The following RYR2 variants were observed in gnomAD, a reference collection of about 807,000 sequenced individuals.
The protein encoded by RYR2 is ryanodine receptor 2, also known as cardiac muscle ryanodine receptor-calcium release channel.
In RYR2, 227 loss-of-function variants were observed where a neutral mutation model predicts 601.1. The ratio of observed to expected loss-of-function variants is 0.38; its 90% confidence interval spans 0.34 to 0.42. The LOEUF is 0.42. Among genes scored for constraint, RYR2 ranks in the 10% least tolerant of loss-of-function variants. RYR2 has a pLI of 1.00. For missense variants in RYR2, 4,646 were observed against 6,156.5 expected, an observed-to-expected ratio of 0.75 and a Z score of 8.21; for synonymous variants, 2,223 against 2,175.1, an observed-to-expected ratio of 1.02 and a Z score of -0.61.
At chr1:237,565,439 T>A (rs1017380831) in intron 27 of RYR2, among the ~76,000 whole-genome samples, 5 of 151,978 alleles carry the variant, frequency 3.3e-5, no homozygotes, top group Non-Finnish European at 7.4e-5. Context: ...GCTGAATTTT[T>A]AAACTCTTTG....
At chr1:237,221,637 C>T (rs377313600) in intron 1 of RYR2, among the ~76,000 whole-genome samples, 7 of 152,254 alleles carry the variant, frequency 4.6e-5, no homozygotes, top group Middle Eastern at 6.8e-3. Context: ...ATTGTTTCAC[C>T]ATTTCCTTTA....
Position 237,610,736 on chromosome 1 carries a change from T to C in RYR2, c.4684-26T>C. ...ACCCCAAGGGATGTTCTACATTTAT[T>C]CTTTTTCTGCCTCCCCATCCGCTAG... On this transcript the variant is annotated intron_variant, in intron 35 of 104. Coordinates refer to ENST00000366574, the MANE Select transcript of RYR2 (RefSeq NM_001035.3). The surrounding 1 kb of genome is among the most constrained non-coding windows in gnomAD (Gnocchi z 4.9). 6.5e-7 allele frequency: 1 copy of C among 1,548,814 alleles called. No homozygotes were observed.
In RYR2 at chr1:237,515,294, G is replaced by T. The variant is rs571445587; in HGVS notation, c.2822+3503G>T. 3.9e-5 allele frequency among the ~76,000 whole-genome samples: 6 copies of T among 152,268 alleles called. No individual in the cohort carries two copies. The East Asian group carries it at 1.2e-3, about 29-fold the overall frequency. On this transcript the variant is annotated intron_variant, in intron 24 of 104. Coordinates refer to ENST00000366574, the MANE Select transcript of RYR2 (RefSeq NM_001035.3). ...TTCTGAATAAACAGCTCACGTTTTA[G>T]AAATAATTGATATAAGGATTTTTAA...
At chr1:237,475,812 C>A (rs1036571390) in intron 17 of RYR2, among the ~76,000 whole-genome samples, 7 of 152,204 alleles carry the variant, frequency 4.6e-5, no homozygotes, top group African/African-American at 1.4e-4. Context: ...CTGATCAGTT[C>A]ATACGCATGA....
chr1:237,617,218 T>C (rs908394856), intron 37 of RYR2, 68 bp from the exon 38 acceptor site: 1 of 1,384,596 alleles, frequency 7.2e-7, no homozygotes, highest in East Asian at 2.5e-5. Context: ...TTACCACAGA[T>C]TATGATTTCA....
chr1:237,609,961 C>T (rs1342205729), intron 35 of RYR2, among the ~76,000 whole-genome samples: 2 of 152,052 alleles, frequency 1.3e-5, no homozygotes, highest in East Asian at 3.9e-4. Flanking sequence ...TGTTAGAGGG[C>T]AATAGGAAAG....
intron 10 of RYR2, among the ~76,000 whole-genome samples, chr1:237,410,959 G>A (rs1219158823): frequency 6.6e-6 from 1 of 152,164 alleles, no homozygotes; most frequent in Admixed American, 6.5e-5. Flanking sequence ...ATACACAATA[G>A]AATATTATAC....
At chr1:237,815,340 G>A (rs1472715359) in intron 100 of RYR2, among the ~76,000 whole-genome samples, 1 of 152,154 alleles carries the variant, frequency 6.6e-6, no homozygotes, top group Non-Finnish European at 1.5e-5. Context: ...CTGAAAGCCT[G>A]ACAGCCATGT....
chr1:237,278,494 T>A (rs1267657622), intron 2 of RYR2, among the ~76,000 whole-genome samples: 1 of 152,064 alleles, frequency 6.6e-6, no homozygotes, highest in East Asian at 1.9e-4. Context: ...AGAAAATATA[T>A]TACCTTATTT....
At chr1:237,096,295 A>G (rs868101113) in intron 1 of RYR2, among the ~76,000 whole-genome samples, 8 of 152,228 alleles carry the variant, frequency 5.3e-5, no homozygotes, top group African/African-American at 1.9e-4. Context: ...ATTAAATCAC[A>G]TGGAACTCTT....
At chr1:237,378,179 T>A (rs1701187482) in intron 8 of RYR2, among the ~76,000 whole-genome samples, 1 of 152,184 alleles carries the variant, frequency 6.6e-6, no homozygotes, top group South Asian at 2.1e-4. Context: ...ACTTATTCAC[T>A]ATCATGAGAA....
chr1:237,709,194 A>G lies in RYR2; in HGVS notation c.10142+96A>G, dbSNP rs567891410. On this transcript the variant is annotated intron_variant, in intron 69 of 104. Coordinates refer to ENST00000366574, the MANE Select transcript of RYR2 (RefSeq NM_001035.3). ...CAATCGCTTCATTCACTATTTTGCC[A>G]TGAGCTTGTTGGTAATTATAATTAA... The G allele has an allele frequency of 9.3e-6, 11 of 1,183,402 alleles. No individual in the cohort carries two copies. The East Asian group carries it at 2.4e-4, about 26-fold the overall frequency. 73.3% of individuals were successfully genotyped at this position (1,183,402 alleles called of 1,614,324 possible).
chr1:237,606,134 A>G (rs1454082796), intron 35 of RYR2, among the ~76,000 whole-genome samples: 1 of 151,804 alleles, frequency 6.6e-6, no homozygotes, highest in Non-Finnish European at 1.5e-5. Context: ...AAAAGAACAA[A>G]GCTGGAGGCA....
At chr1:237,399,776 A>C (rs1237314685) in intron 10 of RYR2, among the ~76,000 whole-genome samples, 10 of 152,112 alleles carry the variant, frequency 6.6e-5, no homozygotes. Flanking sequence ...GGGGAGGTAC[A>C]GAAGTGGAGT....
chr1:237,353,522 A>C (rs921155071), intron 3 of RYR2, among the ~76,000 whole-genome samples: 1 of 151,638 alleles, frequency 6.6e-6, no homozygotes. Flanking sequence ...AAAAAAAAAA[A>C]AAAAAAAAAG....
chr1:237,521,552 T>G (rs1418967537), intron 24 of RYR2, among the ~76,000 whole-genome samples: 2 of 89,080 alleles, frequency 2.2e-5, no homozygotes, highest in African/African-American at 6.3e-5. Flanking sequence ...AAACCCTGTC[T>G]CTACTAAAAT....
chr1:237,101,304 A>AC (rs889900591), intron 1 of RYR2, among the ~76,000 whole-genome samples: 5 of 124,806 alleles, frequency 4.0e-5, no homozygotes, highest in South Asian at 6.9e-4. Flanking sequence ...GAAGTTAAAA[A>AC]AAAAAAAAAA....
chr1:237,200,905 A>C (rs1325875622), intron 1 of RYR2, among the ~76,000 whole-genome samples: 6 of 152,216 alleles, frequency 3.9e-5, no homozygotes, highest in Non-Finnish European at 7.3e-5. Flanking sequence ...TTGTTTGCTT[A>C]GGAGTCTCAT....
At chr1:237,521,196 G>T (rs1257523297) in intron 24 of RYR2, among the ~76,000 whole-genome samples, 1 of 151,996 alleles carries the variant, frequency 6.6e-6, no homozygotes, top group Non-Finnish European at 1.5e-5. Flanking sequence ...CTCCCTAACC[G>T]CTCTATGAAG....
Sources: allele counts gnomAD v4.1 joint callset (sites outside exome capture counted in the v4.1 genomes callset), GRCh38; gene constraint gnomAD v4.1.1; non-coding constraint Gnocchi (gnomAD v3.1); transcripts MANE v1.5; gene names NCBI Gene and HGNC (gene_info 2026-07-23, HGNC 2026-07-21).